The following CPA5 variants were observed in gnomAD, a reference collection of about 807,000 sequenced individuals.
CPA5 encodes carboxypeptidase A5, also known as testicular tissue protein Li 32.
In CPA5, 38 loss-of-function variants were observed where a neutral mutation model predicts 52.2. The observed-to-expected ratio is 0.73, with a 90% confidence interval of 0.56 to 0.95. The LOEUF (loss-of-function observed/expected upper bound fraction) is 0.95, where lower values mean the gene tolerates loss of function less well. Ranked by LOEUF, CPA5 falls within the 40% of genes least tolerant of loss-of-function variation. The pLI, the probability that CPA5 is intolerant of heterozygous loss-of-function variation, is 0.00. For synonymous variants in CPA5, 198 were observed against 213.7 expected, an observed-to-expected ratio of 0.93 and a Z score of 0.64; for missense variants, 519 against 566.7, an observed-to-expected ratio of 0.92 and a Z score of 0.86.
chr7:130,368,366 C>T (rs1249594656), intron 12 of CPA5, 44 bp from the exon 13 acceptor site: 7 of 1,594,392 alleles, frequency 4.4e-6, no homozygotes, highest in East Asian at 2.2e-5. Context: ...AGCCACATCC[C>T]CTTCTTCCTT....
At chr7:130,361,839 G>A (rs375761613) in intron 7 of CPA5, among the ~76,000 whole-genome samples, 29 of 152,308 alleles carry the variant, frequency 1.9e-4, no homozygotes, top group Admixed American at 1.0e-3. Flanking sequence ...CCTGCGGGGC[G>A]TTTAGCATCA....
intron 10 of CPA5, among the ~76,000 whole-genome samples, chr7:130,364,516 T>C (rs573737978): frequency 2.0e-4 from 31 of 152,306 alleles, no homozygotes; most frequent in Admixed American, 3.9e-4. Context: ...TTAAAAAATT[T>C]TGTAGAGACG....
chr7:130,364,293 A>G (rs1795956182), intron 10 of CPA5, among the ~76,000 whole-genome samples: 3 of 152,120 alleles, frequency 2.0e-5, no homozygotes, highest in Admixed American at 1.3e-4. Context: ...CCTGGGTTCA[A>G]ATGATTCTCC....
At position 130,352,096 on chromosome 7, in the gene CPA5, G is replaced by C. The variant is rs77978356; in HGVS notation, c.333+1987G>C. ...ATTAGGAGGAGGAAAGGAAAGAGGA[G>C]TGGTCGTGTTTGGTGGCTAGGACCA... On this transcript the variant is annotated intron_variant, in intron 5 of 12. Coordinates refer to ENST00000474905, the MANE Select transcript of CPA5 (RefSeq NM_080385.5). 0.012 allele frequency among the ~76,000 whole-genome samples: 1,835 copies of C among 152,278 alleles called. 116 individuals carry two copies. The East Asian group carries it at 0.17, about 14-fold the overall frequency.
In CPA5 at chr7:130,363,511, T is replaced by C. The variant is rs1336702093; in HGVS notation, c.838+2T>C. On this transcript the variant is annotated splice_donor_variant, in intron 10 of 12. Transcript: ENST00000474905. LOFTEE classifies it high-confidence loss of function. Reference sequence around the variant, plus strand: ...GGAACTGGAAGTCGGGTTTTGGAGGTATGGCAACCTGCTGTCCTGGGGCAG... The same window carrying C: ...GGAACTGGAAGTCGGGTTTTGGAGGCATGGCAACCTGCTGTCCTGGGGCAG... The C allele has an allele frequency of 6.3e-7, 1 of 1,578,188 alleles. No individual in the cohort carries two copies. The highest frequency in any genetic ancestry group is 8.6e-7 in the Non-Finnish European group (1 of 1,161,026).
intron 1 of CPA5, chr7:130,345,638 A>G (rs1794689335): frequency 6.6e-6 from 1 of 152,254 alleles, no homozygotes; most frequent in Admixed American, 6.5e-5. Flanking sequence ...TGTCTGTGCT[A>G]GCACAATGAT....
chr7:130,367,682 C>T lies in CPA5; in HGVS notation c.1038+111C>T, dbSNP rs1283086764. The stretch of plus-strand genomic sequence containing the variant: ...GTTACTCTGAATGCAGGGGTCTGGG[C>T]TGATTGACCCCATGGTGCGGGGGTG... On this transcript the variant is annotated intron_variant, in intron 11 of 12. Coordinates refer to ENST00000474905, the MANE Select transcript of CPA5 (RefSeq NM_080385.5). 10 of 1,102,876 alleles carry T rather than the reference C, an allele frequency of 9.1e-6. No individual in the cohort carries two copies. In the East Asian group the frequency reaches 2.4e-4, roughly 26 times the overall value. The allele number at this position is 1,102,876 out of a possible 1,614,324, so 68.3% of individuals were successfully genotyped here.
chr7:130,357,950 CTCTGTGTGTGTGTG>C (rs1260954819), intron 5 of CPA5, among the ~76,000 whole-genome samples: 2 of 77,868 alleles, frequency 2.6e-5, no homozygotes, highest in Non-Finnish European at 5.2e-5. Context: ...GTTTTTGTGC[CTCTGTGTGTGTGTG>C]TGTGTGTGTG....
rs1162789190 is a variant in CPA5 at position 130,359,613 on chromosome 7, G to A, written c.358G>A (p.Ala120Thr). The A allele has an allele frequency of 2.5e-6, 4 of 1,571,862 alleles. No homozygotes were observed. Among genetic ancestry groups the A allele is most frequent in the African/African-American group, 2.7e-5 (2 of 74,322 alleles). The change falls in exon 6 of 13, where the codon GCC (alanine) becomes ACC (threonine). Residue 120 changes from alanine to threonine, a missense_variant. Ala to Thr is a moderately conservative substitution (Grantham distance 58). Transcript: ENST00000474905. The stretch of plus-strand genomic sequence containing the variant: ...GGTGCTGCTGGATGAGGAAAGACAG[G>A]CCATGGCGAAATCCCGCCGGCTGGA... ...IQVLLDEERQ[A>T]MAKSRRLERS...
chr7:130,368,057 C>A, intron 12 of CPA5, 67 bp downstream of exon 12: 1 of 1,459,328 alleles, frequency 6.9e-7, no homozygotes, highest in Non-Finnish European at 9.6e-7. Context: ...CAGGGCAGTG[C>A]CAAGGATCTA....
rs374825763 is a variant in CPA5, at chr7:130,361,117, A to G, written c.433-26A>G. ...TCATCCCTCTTCCTGCTTAACTGCC[A>G]ATCTTACACACTTCTTTCCTTTCAG... On this transcript the variant is annotated intron_variant, in intron 6 of 12. Coordinates refer to ENST00000474905, the MANE Select transcript of CPA5 (RefSeq NM_080385.5). 290 of 1,479,052 alleles carry G rather than the reference A, an allele frequency of 2.0e-4. 1 individual carries two copies. Among genetic ancestry groups the G allele is most frequent in the Non-Finnish European group, 2.6e-4 (271 of 1,057,232 alleles). 91.6% of individuals were successfully genotyped at this position (1,479,052 alleles called of 1,614,324 possible).
rs781991666 is a variant in CPA5, at chr7:130,350,157, G to T, written c.333+48G>T. On this transcript the variant is annotated intron_variant, in intron 5 of 12. Coordinates refer to ENST00000474905, the MANE Select transcript of CPA5 (RefSeq NM_080385.5). ...ACCCTGCCTTCCGCCTTCCTTTCTGGTTGGGGCCCAACATGGAGGAGATGT... is the reference window on the plus strand; with the variant it reads ...ACCCTGCCTTCCGCCTTCCTTTCTGTTTGGGGCCCAACATGGAGGAGATGT... 10 of 1,582,620 alleles carry T rather than the reference G, an allele frequency of 6.3e-6. No homozygotes were observed. The East Asian group carries it at 1.8e-4, about 29-fold the overall frequency.
At chr7:130,367,700 CG>C in intron 11 of CPA5, 129 bp downstream of exon 11, 2 of 975,474 alleles carry the variant, frequency 2.1e-6, no homozygotes, top group Non-Finnish European at 3.2e-6. Flanking sequence ...CCCCATGGTG[CG>C]GGGGTGGGGT....
intron 4 of CPA5, among the ~76,000 whole-genome samples, chr7:130,348,973 A>G (rs1794950878): frequency 1.3e-5 from 2 of 152,176 alleles, no homozygotes; most frequent in African/African-American, 2.4e-5. Flanking sequence ...CTTAGTGGCC[A>G]TCTCGGTCAT....
At chr7:130,360,250 C>A (rs942822457) in intron 6 of CPA5, among the ~76,000 whole-genome samples, 14 of 152,264 alleles carry the variant, frequency 9.2e-5, no homozygotes, top group Non-Finnish European at 1.8e-4. Context: ...AGCTAGGGAC[C>A]TAGGGCTCTC....
chr7:130,349,057 G>A (rs887364112), intron 4 of CPA5, among the ~76,000 whole-genome samples: 12 of 152,096 alleles, frequency 7.9e-5, no homozygotes, highest in African/African-American at 1.9e-4. Flanking sequence ...GCCCCAAAGC[G>A]CAAGAGTAGT....
chr7:130,362,805 C>A, intron 8 of CPA5, 79 bp from the exon 9 acceptor site: 2 of 867,418 alleles, frequency 2.3e-6, no homozygotes, highest in Non-Finnish European at 3.8e-6. Context: ...TTCCTGCAGC[C>A]ACTGGCTGTG....
intron 7 of CPA5, 101 bp downstream of exon 7, chr7:130,361,345 A>G (rs1795782004): frequency 1.2e-6 from 1 of 809,978 alleles, no homozygotes; most frequent in Non-Finnish European, 2.1e-6. Context: ...TTTGCGGAGA[A>G]GGACAATTTG....
In CPA5 at chr7:130,368,519, A is replaced by G; in HGVS notation, c.1233A>G (p.Thr411=). Residue 411 remains threonine, a synonymous_variant, in exon 13 of 13, where the codon ACA becomes ACG. Transcript: ENST00000474905. The stretch of plus-strand genomic sequence containing the variant: ...AGTATGGCTTCCTGCTGCCGGCCAC[A>G]CAGATCATCCCCACGGCCCAGGAGA... ...TGQYGFLLPA[T]QIIPTAQETW... is the part of the protein sequence containing the mutation. 6.2e-7 allele frequency: 1 copy of G among 1,614,094 alleles called. No homozygotes were observed. The highest frequency in any genetic ancestry group is 8.5e-7 in the Non-Finnish European group (1 of 1,180,002).
Sources: gnomAD v4.1 joint callset for allele counts (sites outside exome capture counted in the v4.1 genomes callset) on GRCh38, gnomAD v4.1.1 for gene constraint, MANE v1.5 for transcripts, NCBI Gene and HGNC (gene_info 2026-07-23, HGNC 2026-07-21) for gene names.